KLHL15: variants seen among roughly 807,000 people sequenced by gnomAD.
KLHL15 encodes kelch-like protein 15.
A neutral mutation model predicts 29.3 loss-of-function variants in KLHL15; 1 was observed. That is an observed-to-expected ratio of 0.03 (90% CI 0.01 to 0.16). KLHL15 has a LOEUF of 0.16. KLHL15 is among the 10% of genes least tolerant of loss of function. KLHL15 has a pLI of 1.00. For missense variants in KLHL15, 215 were observed against 478.5 expected, an observed-to-expected ratio of 0.45 and a Z score of 5.14; for synonymous variants, 212 against 184.5, an observed-to-expected ratio of 1.15 and a Z score of -1.21.
rs949057054 is a variant in KLHL15, at chrX:23,987,314, T to C, written c.*607A>G. On this transcript the variant is annotated 3_prime_UTR_variant, in exon 4 of 4. Transcript: ENST00000328046. The stretch of plus-strand genomic sequence containing the variant: ...CCACGCATAAAAGGGATGTGCCTTG[T>C]GTATTTATAGGTTGTATGCGAGTAT... 8.9e-6 allele frequency: 1 copy of C among 112,523 alleles called. No homozygotes were observed. Among genetic ancestry groups the C allele is most frequent in the African/African-American group, 3.2e-5 (1 of 31,036 alleles). 9.3% of individuals were successfully genotyped at this position (112,523 alleles called of 1,213,427 possible).
intron 3 of KLHL15, among the ~76,000 whole-genome samples, chrX:23,999,856 G>A (rs1304754269): frequency 1.8e-5 from 2 of 112,084 alleles, no homozygotes; most frequent in Admixed American, 9.5e-5. Flanking sequence ...AACACCTTGC[G>A]TGATTTCGAA....
At chrX:24,005,768 TATCTTTCACCCACAAA>T (rs1417104844) in intron 3 of KLHL15, among the ~76,000 whole-genome samples, 1 of 112,303 alleles carries the variant, frequency 8.9e-6, no homozygotes, top group Non-Finnish European at 1.9e-5. Flanking sequence ...CTACGTGGTT[TATCTTTCACCCACAAA>T]ATGTATTTTA....
Position 23,985,562 on chromosome X carries a change from G to A in KLHL15, c.*2359C>T, listed in dbSNP as rs1334336770. 2 of 112,429 alleles carry A rather than the reference G, an allele frequency of 1.8e-5. No homozygotes were observed. The highest frequency in any genetic ancestry group is 3.8e-5 in the Non-Finnish European group (2 of 53,254). 9.3% of individuals were successfully genotyped at this position (112,429 alleles called of 1,213,427 possible). On this transcript the variant is annotated 3_prime_UTR_variant, in exon 4 of 4. Coordinates refer to ENST00000328046, the MANE Select transcript of KLHL15 (RefSeq NM_030624.3). ...TAACATCAGGTCCGACGTGACTTAC[G>A]TAAAGCTGAACCCAGAGTTAGTTCA...
chrX:24,007,985 T>C (rs1929489622), intron 2 of KLHL15, among the ~76,000 whole-genome samples: 1 of 111,105 alleles, frequency 9.0e-6, no homozygotes, highest in Non-Finnish European at 1.9e-5. Context: ...AATACGCATA[T>C]ATTTGTTAGA....
chrX:24,002,116 G>A (rs919749512), intron 3 of KLHL15, among the ~76,000 whole-genome samples: 2 of 108,396 alleles, frequency 1.8e-5, no homozygotes, highest in Non-Finnish European at 3.8e-5. Flanking sequence ...CTGGGCAACA[G>A]AGCGAGACTC....
At position 23,986,386 on chromosome X, in the gene KLHL15, T is replaced by C. The variant is rs1275134332; in HGVS notation, c.*1535A>G. On this transcript the variant is annotated 3_prime_UTR_variant, in exon 4 of 4. Coordinates refer to ENST00000328046, the MANE Select transcript of KLHL15 (RefSeq NM_030624.3). ...AGAAGGCATTGCAATATTGCACCAATATTCTAAGATCTGGCAAGTTTTGCC... is the reference window on the plus strand; with the variant it reads ...AGAAGGCATTGCAATATTGCACCAACATTCTAAGATCTGGCAAGTTTTGCC... 1 of 112,499 alleles carries C rather than the reference T, an allele frequency of 8.9e-6. No homozygotes were observed. The highest frequency in any genetic ancestry group is 1.9e-5 in the Non-Finnish European group (1 of 53,227). 9.3% of individuals were successfully genotyped at this position (112,499 alleles called of 1,213,427 possible). A position where few individuals can be genotyped will look rare whatever the true frequency, so the allele number is the denominator to read the frequency against.
intron 3 of KLHL15, among the ~76,000 whole-genome samples, chrX:23,991,567 C>T (rs1929088106): frequency 1.8e-5 from 2 of 111,196 alleles, no homozygotes; most frequent in East Asian, 2.8e-4. Flanking sequence ...CCAGGCTGGG[C>T]GCGGTGGCTC....
At chrX:24,001,859 C>T (rs954921620) in intron 3 of KLHL15, among the ~76,000 whole-genome samples, 7 of 101,401 alleles carry the variant, frequency 6.9e-5, no homozygotes, top group Non-Finnish European at 1.2e-4. Flanking sequence ...ATAGGTCGGG[C>T]GCGGTGGCTC....
intron 3 of KLHL15, among the ~76,000 whole-genome samples, chrX:23,997,806 C>CT (rs1482735152): frequency 1.5e-3 from 155 of 104,507 alleles, no homozygotes; most frequent in African/African-American, 5.1e-3. Flanking sequence ...CAGCTAAGTG[C>CT]CATGGCTCAT....
rs759758947 is a variant in KLHL15, at chrX:24,007,508, AATATATATATAT to A, written c.-7-820_-7-809del. Reference sequence around the variant, plus strand: ...CCCATTTCCAAAAAAAAAAAAAAAAAATATATATATATATATATATATATATATCAAACAATG... The same window carrying A: ...CCCATTTCCAAAAAAAAAAAAAAAAAATATATATATATATATCAAACAATG... On this transcript the variant is annotated intron_variant, in intron 2 of 3. Transcript: ENST00000328046. Among the ~76,000 whole-genome samples the A allele has an allele frequency of 7.5e-4, 27 of 35,921 alleles. 1 individual carries two copies. Among genetic ancestry groups the A allele is most frequent in the African/African-American group, 3.0e-3 (20 of 6,777 alleles). 31.2% of individuals were successfully genotyped at this position (35,921 alleles called of 115,157 possible).
chrX:24,002,647 G>A (rs1477612461), intron 3 of KLHL15, among the ~76,000 whole-genome samples: 1 of 107,272 alleles, frequency 9.3e-6, no homozygotes, highest in Non-Finnish European at 1.9e-5. Flanking sequence ...GGATTGGGGG[G>A]AACAGGTTCT....
rs2037113880 is a variant in KLHL15, at chrX:24,006,485, T to A, written c.209A>T (p.Asp70Val). ...TGTTAGACCTTTTAAATGAATTTTG[T>A]CCTGATCTCGTTCCCTCATGTCTGC... ...FTADMRERDQ[D>V]KIHLKGLTAT... Residue 70 changes from aspartate (D) to valine (V), a missense_variant, in exon 3 of 4, where the codon GAC becomes GTC. Transcript: ENST00000328046. The A allele has an allele frequency of 8.3e-7, 1 of 1,209,588 alleles. No individual in the cohort carries two copies. Among genetic ancestry groups the A allele is most frequent in the African/African-American group, 1.8e-5 (1 of 57,034 alleles).
At chrX:23,994,793 T>C (rs1025028454) in intron 3 of KLHL15, among the ~76,000 whole-genome samples, 2 of 111,785 alleles carry the variant, frequency 1.8e-5, no homozygotes, top group Admixed American at 9.6e-5. Context: ...GAATATATCA[T>C]ATAATTATAT....
intron 2 of KLHL15, among the ~76,000 whole-genome samples, chrX:24,009,686 CA>C (rs748388349): frequency 0.067 from 2,298 of 34,182 alleles, 91 homozygotes; most frequent in East Asian, 0.36. Context: ...GTTCCATTTT[CA>C]AAAAAAAAAA....
At position 24,021,741 on chromosome X, in the gene KLHL15, G is replaced by A. The variant is rs754636510; in HGVS notation, c.-8+3116C>T. Among the ~76,000 whole-genome samples, 4 of 110,862 alleles carry A rather than the reference G, an allele frequency of 3.6e-5. No individual in the cohort carries two copies. The South Asian group carries it at 1.1e-3, about 32-fold the overall frequency. On this transcript the variant is annotated intron_variant, in intron 2 of 3. Transcript: ENST00000328046. The stretch of plus-strand genomic sequence containing the variant: ...ATAATTATTAGTAAGTTGTGAAGTT[G>A]GGGTCTGCCTGACTTCATAGCCTCC...
intron 3 of KLHL15, among the ~76,000 whole-genome samples, chrX:23,990,914 T>G (rs780705845): frequency 9.0e-6 from 1 of 111,586 alleles, no homozygotes; most frequent in East Asian, 2.8e-4. Context: ...GTATTCAGTA[T>G]AACTGGTTTC....
chrX:23,998,336 A>G (rs1929237632), intron 3 of KLHL15, among the ~76,000 whole-genome samples: 1 of 110,014 alleles, frequency 9.1e-6, no homozygotes. Flanking sequence ...GGCTCACTGC[A>G]TGCTCCACCT....
At chrX:23,993,189 C>T (rs772235949) in intron 3 of KLHL15, among the ~76,000 whole-genome samples, 1 of 108,775 alleles carries the variant, frequency 9.2e-6, no homozygotes, top group South Asian at 4.2e-4. Context: ...GATCTCAAAA[C>T]TAATTTCCTG....
At position 23,999,594 on chromosome X, in the gene KLHL15, C is replaced by CAAAAAAAAA. The variant is rs57473929; in HGVS notation, c.705+6386_705+6394dup. On this transcript the variant is annotated intron_variant, in intron 3 of 3. Transcript: ENST00000328046. ...TGGGCGAAAGAGCGAGACTCCGTCT[C>CAAAAAAAAA]AAAAAAAAAAAAAAAAAGAGAGAAT... Among the ~76,000 whole-genome samples, 26 of 55,417 alleles carry CAAAAAAAAA rather than the reference C, an allele frequency of 4.7e-4. 3 individuals carry two copies. The highest frequency in any genetic ancestry group is 1.3e-3 in the African/African-American group (18 of 14,001). The allele number at this position is 55,417 out of a possible 115,157, so 48.1% of individuals were successfully genotyped here. A position where few individuals can be genotyped will look rare whatever the true frequency, so the allele number is the denominator to read the frequency against.
Sources: allele counts gnomAD v4.1 joint callset (sites outside exome capture counted in the v4.1 genomes callset), GRCh38; gene constraint gnomAD v4.1.1; transcripts MANE v1.5; gene names NCBI Gene and HGNC (gene_info 2026-07-23, HGNC 2026-07-21).